The following CPSF6 variants were observed in gnomAD, a reference collection of about 807,000 sequenced individuals.
CPSF6 encodes cleavage and polyadenylation specificity factor subunit 6.
Under a neutral mutation model 56.7 loss-of-function variants are expected in CPSF6, and 10 were observed. That is an observed-to-expected ratio of 0.18 (90% CI 0.11 to 0.30). CPSF6 has a LOEUF of 0.30. CPSF6 is among the 10% of genes least tolerant of loss of function. The probability of loss-of-function intolerance (pLI) is 1.00; values close to 1 mark genes in which losing one functional copy is unlikely to be tolerated. For missense variants in CPSF6, 419 were observed against 722.9 expected (o/e 0.58, Z 4.82); for synonymous variants, 248 against 244.8 (o/e 1.01, Z -0.12).
intron 1 of CPSF6, among the ~76,000 whole-genome samples, chr12:69,248,078 T>C (rs1387454231): frequency 1.3e-5 from 2 of 152,212 alleles, no homozygotes; most frequent in Admixed American, 6.5e-5. Flanking sequence ...TAGAATCATA[T>C]CAATGTGGAA....
intron 1 of CPSF6, among the ~76,000 whole-genome samples, chr12:69,244,698 T>C (rs1005327045): frequency 2.0e-5 from 3 of 151,460 alleles, no homozygotes; most frequent in East Asian, 3.9e-4. Context: ...ACCTGGTCTT[T>C]TTTTTTTTAA....
intron 9 of CPSF6, among the ~76,000 whole-genome samples, chr12:69,263,469 T>C (rs1872837675): frequency 6.6e-6 from 1 of 152,084 alleles, no homozygotes; most frequent in African/African-American, 2.4e-5. Flanking sequence ...GAGGGCACTA[T>C]AAGGCTTATG....
intron 8 of CPSF6, among the ~76,000 whole-genome samples, chr12:69,261,275 CT>C (rs146946349): frequency 0.016 from 2,377 of 152,212 alleles, 72 homozygotes; most frequent in African/African-American, 0.055. Context: ...CTTGTATCAT[CT>C]TTTTAAGTTT....
chr12:69,268,096 G>A (rs1873079175), intron 9 of CPSF6, among the ~76,000 whole-genome samples: 1 of 151,702 alleles, frequency 6.6e-6, no homozygotes, highest in African/African-American at 2.4e-5. Context: ...ATTATTTCAG[G>A]TTAGAACATA....
rs1476163376 is a variant in CPSF6 at position 69,257,821 on chromosome 12, C to T, written c.610C>T (p.Arg204Trp). Residue 204 changes from arginine to tryptophan, a missense_variant, in exon 5 of 10, where the codon CGG becomes TGG. Physicochemically the swap from Arg to Trp is moderately radical, Grantham distance 101 (BLOSUM62 -3). Coordinates refer to ENST00000435070, the MANE Select transcript of CPSF6 (RefSeq NM_007007.3). ...RAAFPQGGRG[R>W]GRFPGAVPGG... ...AGCATTTCCACAAGGTGGTAGAGGA[C>T]GGGGCCGTTTTCCAGGGGCTGTTCC... 3 of 1,613,196 alleles carry T rather than the reference C, an allele frequency of 1.9e-6. No individual in the cohort carries two copies. The highest frequency in any genetic ancestry group is 1.7e-6 in the Non-Finnish European group (2 of 1,179,808).
chr12:69,259,607 G>A, intron 7 of CPSF6, 64 bp downstream of exon 7: 1 of 1,356,634 alleles, frequency 7.4e-7, no homozygotes, highest in Non-Finnish European at 1.0e-6. Context: ...AAAAATGTAA[G>A]TACAATCTAG....
At chr12:69,259,959 G>T in intron 7 of CPSF6, 85 bp from the exon 8 acceptor site, 2 of 1,365,414 alleles carry the variant, frequency 1.5e-6, no homozygotes, top group Non-Finnish European at 2.0e-6. Flanking sequence ...TTTGTAAAAT[G>T]CCTTATCACT....
rs148237348 is a variant in CPSF6, at chr12:69,272,542, C to G, written c.*3034C>G. ...CAAGACTTTTCTGTTGGAGTGCTCT[C>G]GACATTTTGGTTTTCATACCTGAAT... On this transcript the variant is annotated 3_prime_UTR_variant, in exon 10 of 10. Coordinates refer to ENST00000435070, the MANE Select transcript of CPSF6 (RefSeq NM_007007.3). 5 of 151,562 alleles carry G rather than the reference C, an allele frequency of 3.3e-5. No individual in the cohort carries two copies. The highest frequency in any genetic ancestry group is 5.9e-5 in the Non-Finnish European group (4 of 67,636). The allele number at this position is 151,562 out of a possible 1,614,324, so 9.4% of individuals were successfully genotyped here.
At chr12:69,260,299 ATTAT>A (rs1367306415) in intron 8 of CPSF6, 102 bp downstream of exon 8, 1 of 867,190 alleles carries the variant, frequency 1.2e-6, no homozygotes, top group Admixed American at 3.4e-5. Flanking sequence ...TTACTTACTG[ATTAT>A]TTAGCAGCTG....
intron 9 of CPSF6, among the ~76,000 whole-genome samples, chr12:69,268,879 T>G (rs1281181151): frequency 6.6e-6 from 1 of 151,816 alleles, no homozygotes; most frequent in African/African-American, 2.4e-5. Context: ...TGGAATAGAC[T>G]AAAAGTAAAG....
At chr12:69,249,203 G>A (rs925764629) in intron 1 of CPSF6, among the ~76,000 whole-genome samples, 6 of 135,712 alleles carry the variant, frequency 4.4e-5, no homozygotes, top group East Asian at 2.1e-4. Flanking sequence ...CCCAGGAGGC[G>A]GAGCTTGCAG....
intron 9 of CPSF6, among the ~76,000 whole-genome samples, chr12:69,268,022 C>T (rs1167157050): frequency 1.3e-5 from 2 of 151,674 alleles, no homozygotes; most frequent in African/African-American, 4.8e-5. Flanking sequence ...TCCCTTCCAG[C>T]GCAACAGAAA....
At chr12:69,262,214 TG>T in intron 8 of CPSF6, 158 bp from the exon 9 acceptor site, 1 of 437,538 alleles carries the variant, frequency 2.3e-6, no homozygotes, top group Non-Finnish European at 3.0e-6. Context: ...CATGCTTACC[TG>T]GTGAGTTGGT....
rs993603306 is a variant in CPSF6, at chr12:69,239,583, T to C, written c.-64T>C. The stretch of plus-strand genomic sequence containing the variant: ...CCCCCACCGCCGCTAGATCCGCTGC[T>C]GCTGCCGCGGCGGGCAGACCTGCAG... On this transcript the variant is annotated 5_prime_UTR_variant, in exon 1 of 10. Transcript: ENST00000435070. The C allele has an allele frequency of 2.3e-5, 35 of 1,520,952 alleles. No individual in the cohort carries two copies. The highest frequency in any genetic ancestry group is 1.8e-6 in the Non-Finnish European group (2 of 1,134,812). 94.2% of individuals were successfully genotyped at this position (1,520,952 alleles called of 1,614,324 possible).
Position 69,272,149 on chromosome 12 carries a change from ATG to A in CPSF6, c.*2647_*2648del, listed in dbSNP as rs1160836774. ...AGCATATTCCAGTGTAAATTTGCAGATGTGTGTTTTTTTTTTTTGTCACTTTT... is the reference window on the plus strand; with the variant it reads ...AGCATATTCCAGTGTAAATTTGCAGATGTGTTTTTTTTTTTTGTCACTTTT... On this transcript the variant is annotated 3_prime_UTR_variant, in exon 10 of 10. Transcript: ENST00000435070. 9.5e-6 allele frequency: 1 copy of A among 105,254 alleles called. No individual in the cohort carries two copies. Among genetic ancestry groups the A allele is most frequent in the Admixed American group, 1.1e-4 (1 of 9,308 alleles). 6.5% of individuals were successfully genotyped at this position (105,254 alleles called of 1,614,324 possible).
In CPSF6 at chr12:69,258,512, T is replaced by C; in HGVS notation, c.695-78T>C. 1 of 1,429,484 alleles carries C rather than the reference T, an allele frequency of 7.0e-7. No individual in the cohort carries two copies. Among genetic ancestry groups the C allele is most frequent in the Non-Finnish European group, 9.4e-7 (1 of 1,065,448 alleles). 88.6% of individuals were successfully genotyped at this position (1,429,484 alleles called of 1,614,324 possible). A position where few individuals can be genotyped will look rare whatever the true frequency, so the allele number is the denominator to read the frequency against. On this transcript the variant is annotated intron_variant, in intron 5 of 9. Coordinates refer to ENST00000435070, the MANE Select transcript of CPSF6 (RefSeq NM_007007.3). This position sits in a 1 kb window ranked among gnomAD's most constrained non-coding sequence, Gnocchi z 4.2. ...TGGTGTATGCTCTATGCGTTTAAAG[T>C]ATAATCTTGGCATATAAAAGTTAAA...
chr12:69,258,061 G>GTA lies in CPSF6; in HGVS notation c.694+156_694+157insTA. The GTA allele has an allele frequency of 6.5e-7, 1 of 1,538,568 alleles. No individual in the cohort carries two copies. ...AAATTTGATCAAGCATCTTGTTAAA[G>GTA]GAACTCGGCCTTTGTTCCTGGAAAC... On this transcript the variant is annotated intron_variant, in intron 5 of 9. Transcript: ENST00000435070. The surrounding 1 kb of genome is among the most constrained non-coding windows in gnomAD (Gnocchi z 4.2).
intron 1 of CPSF6, among the ~76,000 whole-genome samples, chr12:69,248,484 A>T (rs1872030870): frequency 6.6e-6 from 1 of 152,174 alleles, no homozygotes; most frequent in African/African-American, 2.4e-5. Context: ...ACTTTTTAGT[A>T]TCTTAAGTGC....
chr12:69,269,169 C>T (rs1430094975), intron 9 of CPSF6, among the ~76,000 whole-genome samples: 4 of 151,710 alleles, frequency 2.6e-5, no homozygotes, highest in African/African-American at 7.2e-5. Flanking sequence ...CAAGCATTTT[C>T]CATTTATTTT....
Sources: allele counts gnomAD v4.1 joint callset (sites outside exome capture counted in the v4.1 genomes callset), GRCh38; gene constraint gnomAD v4.1.1; non-coding constraint Gnocchi (gnomAD v3.1); transcripts MANE v1.5; gene names NCBI Gene and HGNC (gene_info 2026-07-23, HGNC 2026-07-21).